The following DNAAF5 variants were observed in gnomAD, a reference collection of about 807,000 sequenced individuals.
The protein encoded by DNAAF5 is HEAT repeat containing 2.
A neutral mutation model predicts 75.8 loss-of-function variants in DNAAF5; 64 were observed. The ratio of observed to expected loss-of-function variants is 0.84; its 90% CI spans 0.69 to 1.04. The LOEUF (loss-of-function observed/expected upper bound fraction) is 1.04, where lower values mean the gene tolerates loss of function less well. Among genes scored for constraint, DNAAF5 ranks in the 50% least tolerant of loss-of-function variants. DNAAF5 has a pLI of 0.00. For missense variants in DNAAF5, 1,269 were observed against 1,178.5 expected, an observed-to-expected ratio of 1.08 and a Z score of -1.12; for synonymous variants, 657 against 557.2, an observed-to-expected ratio of 1.18 and a Z score of -2.52.
At chr7:762,553 G>A (rs1476115036) in intron 7 of DNAAF5, among the ~76,000 whole-genome samples, 4 of 151,640 alleles carry the variant, frequency 2.6e-5, no homozygotes, top group Admixed American at 6.6e-5. Context: ...GTGATTTCCC[G>A]CTCTCATTGC....
chr7:741,721 C>T (rs571857863), intron 4 of DNAAF5, among the ~76,000 whole-genome samples: 1 of 152,194 alleles, frequency 6.6e-6, no homozygotes, highest in Non-Finnish European at 1.5e-5. Flanking sequence ...TTTAAAAAGG[C>T]TGTGGGCTTC....
chr7:766,561 T>G (rs1308990385), intron 8 of DNAAF5, among the ~76,000 whole-genome samples: 1 of 152,224 alleles, frequency 6.6e-6, no homozygotes, highest in Non-Finnish European at 1.5e-5. Flanking sequence ...AGGAAAATAT[T>G]TGCAATAAGG....
chr7:774,981 C>T lies in DNAAF5; in HGVS notation c.2083-25C>T, dbSNP rs201399706. The T allele has an allele frequency of 7.1e-5, 115 of 1,612,980 alleles. 1 individual carries two copies. Among genetic ancestry groups the T allele is most frequent in the Admixed American group, 5.5e-4 (33 of 59,990 alleles). On this transcript the variant is annotated intron_variant, in intron 10 of 12. Transcript: ENST00000297440. ...CCCACCCCAGGACAGATGTGAGTCA[C>T]GTCGTATGTGTTTGCTGATTGCAGA...
At chr7:748,633 C>T (rs1782194971) in intron 4 of DNAAF5, among the ~76,000 whole-genome samples, 1 of 152,104 alleles carries the variant, frequency 6.6e-6, no homozygotes, top group Non-Finnish European at 1.5e-5. Context: ...TTTCCTCCTG[C>T]CCCCTACCAC....
intron 4 of DNAAF5, among the ~76,000 whole-genome samples, chr7:745,440 A>G (rs530617865): frequency 1.3e-5 from 2 of 152,170 alleles, no homozygotes; most frequent in South Asian, 2.1e-4. Context: ...ACACACACAC[A>G]CATATTCACA....
chr7:739,868 C>T (rs73032414), intron 2 of DNAAF5, among the ~76,000 whole-genome samples: 24,142 of 152,174 alleles, frequency 0.16, 2,307 homozygotes, highest in Middle Eastern at 0.26. Flanking sequence ...CGAGTGACCA[C>T]GCCATGGGCA....
In DNAAF5 at chr7:780,164, G is replaced by T; in HGVS notation, c.2431+20G>T. The T allele has an allele frequency of 6.2e-7, 1 of 1,608,700 alleles. No individual in the cohort carries two copies. Among genetic ancestry groups the T allele is most frequent in the Non-Finnish European group, 8.5e-7 (1 of 1,176,194 alleles). ...TTTTAGGTGAGACTCCGACGGCTTG[G>T]CCTTCGTTCCGATGCCTGCTTTCGG... On this transcript the variant is annotated intron_variant, in intron 12 of 12. Transcript: ENST00000297440.
intron 2 of DNAAF5, among the ~76,000 whole-genome samples, chr7:736,201 CTA>C (rs1781735512): frequency 6.6e-6 from 1 of 152,154 alleles, no homozygotes; most frequent in Non-Finnish European, 1.5e-5. Context: ...ATGCAATGTT[CTA>C]TAAATACCTA....
chr7:734,119 T>C (rs1174550500), intron 2 of DNAAF5, among the ~76,000 whole-genome samples: 8 of 152,236 alleles, frequency 5.3e-5, no homozygotes, highest in Non-Finnish European at 1.0e-4. Context: ...TTGTTCTAGC[T>C]AGAGCTTCCA....
chr7:747,902 G>C (rs868212569), intron 4 of DNAAF5, among the ~76,000 whole-genome samples: 2 of 764 alleles, frequency 2.6e-3, no homozygotes. Context: ...TTGCTGGTTT[G>C]AGCGTGTCCG....
In DNAAF5 at chr7:769,154, G is replaced by A. The variant is rs897495489; in HGVS notation, c.1784-1317G>A. The stretch of plus-strand genomic sequence containing the variant: ...TACCGAGCAGCCTGCTCTGATGACT[G>A]GCGGCGCCAGGGAGAAGGCTCACAT... On this transcript the variant is annotated intron_variant, in intron 8 of 12. Coordinates refer to ENST00000297440, the MANE Select transcript of DNAAF5 (RefSeq NM_017802.4). 6.5e-6 allele frequency: 5 copies of A among 773,086 alleles called. No individual in the cohort carries two copies. In the African/African-American group the frequency reaches 8.5e-5, roughly 13 times the overall value. The allele number at this position is 773,086 out of a possible 1,614,324, so 47.9% of individuals were successfully genotyped here. A position where few individuals can be genotyped will look rare whatever the true frequency, so the allele number is the denominator to read the frequency against.
intron 11 of DNAAF5, among the ~76,000 whole-genome samples, chr7:777,806 C>T (rs1221544765): frequency 6.6e-6 from 1 of 152,132 alleles, no homozygotes; most frequent in Non-Finnish European, 1.5e-5. Context: ...ATGTGGAATT[C>T]CTCAAGATCA....
intron 4 of DNAAF5, among the ~76,000 whole-genome samples, chr7:742,774 C>T (rs1781951154): frequency 1.3e-5 from 2 of 151,060 alleles, no homozygotes; most frequent in South Asian, 4.2e-4. Context: ...CAGCTCAAAT[C>T]ACATGCCCAG....
chr7:755,657 G>A (rs972193048), intron 5 of DNAAF5, among the ~76,000 whole-genome samples: 1 of 152,124 alleles, frequency 6.6e-6, no homozygotes, highest in African/African-American at 2.4e-5. Flanking sequence ...CTTGAGCCCG[G>A]GAGTTTGAGG....
chr7:777,135 T>C (rs916918504), intron 11 of DNAAF5, among the ~76,000 whole-genome samples: 3 of 152,172 alleles, frequency 2.0e-5, no homozygotes, highest in African/African-American at 4.8e-5. Flanking sequence ...TGTAGAATTA[T>C]CTCATTATAT....
intron 8 of DNAAF5, 67 bp from the exon 9 acceptor site, chr7:770,404 T>A: frequency 6.6e-7 from 1 of 1,505,222 alleles, no homozygotes. Context: ...AGCCTGGGCC[T>A]GTGCTGGATG....
intron 2 of DNAAF5, among the ~76,000 whole-genome samples, chr7:740,046 CAG>C (rs1393608225): frequency 1.3e-5 from 2 of 152,144 alleles, no homozygotes; most frequent in Non-Finnish European, 2.9e-5. Context: ...CCTGGCCTCA[CAG>C]GGGACAGCTC....
At chr7:771,501 G>A (rs1353825894) in intron 9 of DNAAF5, 1 of 152,298 alleles carries the variant, frequency 6.6e-6, no homozygotes, top group East Asian at 1.9e-4. Flanking sequence ...AGAGCCTCAT[G>A]TGGAAAGAGT....
At chr7:762,031 G>A (rs370250759) in intron 7 of DNAAF5, 135 bp downstream of exon 7, 37 of 212,080 alleles carry the variant, frequency 1.7e-4, no homozygotes, top group Non-Finnish European at 2.6e-4. Flanking sequence ...AGAACCTTGC[G>A]GGTGAGTCCC....
Sources: allele counts gnomAD v4.1 joint callset (sites outside exome capture counted in the v4.1 genomes callset), GRCh38; gene constraint gnomAD v4.1.1; transcripts MANE v1.5; gene names NCBI Gene and HGNC (gene_info 2026-07-23, HGNC 2026-07-21).